The following BMPR2 variants were observed in gnomAD, a reference collection of about 807,000 sequenced individuals.
The protein encoded by BMPR2 is bone morphogenetic protein receptor type-2.
In BMPR2, 29 loss-of-function variants were observed where a neutral mutation model predicts 100.8. The ratio of observed to expected loss-of-function variants is 0.29; its 90% CI spans 0.21 to 0.39. The LOEUF (loss-of-function observed/expected upper bound fraction) is 0.39, where lower values mean the gene tolerates loss of function less well. Among genes scored for constraint, BMPR2 ranks in the 10% least tolerant of loss-of-function variants. The pLI is 1.00. For missense variants in BMPR2, 1,011 were observed against 1,274.5 expected (o/e 0.79, Z 3.15); for synonymous variants, 382 against 442.3 (o/e 0.86, Z 1.71).
At chr2:202,551,811 C>T (rs566938084) in intron 10 of BMPR2, among the ~76,000 whole-genome samples, 1 of 152,036 alleles carries the variant, frequency 6.6e-6, no homozygotes, top group African/African-American at 2.4e-5. Flanking sequence ...GCAATTCTGC[C>T]TCAGCCTCCC....
rs371884555 is a variant in BMPR2, at chr2:202,446,385, C to T, written c.77-18424C>T. Among the ~76,000 whole-genome samples, 11 of 148,956 alleles carry T rather than the reference C, an allele frequency of 7.4e-5. 2 individuals carry two copies. The highest frequency in any genetic ancestry group is 2.6e-4 in the African/African-American group (10 of 38,970). ...TGCACTCCAGCTGGGGCAACAAGAG[C>T]GAAACTCCGTCTCAAAAAAAAAAGA... is the stretch of plus-strand genomic sequence containing the variant. On this transcript the variant is annotated intron_variant, in intron 1 of 12. Coordinates refer to ENST00000374580, the MANE Select transcript of BMPR2 (RefSeq NM_001204.7).
At chr2:202,474,856 T>C (rs1304780481) in intron 3 of BMPR2, 7 of 152,150 alleles carry the variant, frequency 4.6e-5, no homozygotes, top group Non-Finnish European at 1.0e-4. Flanking sequence ...TTTTGTATTG[T>C]TTGAATCTTT....
chr2:202,537,659 A>C (rs1005310018), intron 9 of BMPR2, among the ~76,000 whole-genome samples: 19 of 152,166 alleles, frequency 1.2e-4, no homozygotes, highest in Non-Finnish European at 7.4e-5. Context: ...AAAATGGTTA[A>C]AATGATCAGT....
rs558056532 is a variant in BMPR2, at chr2:202,444,823, T to C, written c.77-19986T>C. ...TATTTTTTGAGATGGAGTTTCACCC[T>C]TGTTTCCCAGGCTGAAGTGCAATGG... is the stretch of plus-strand genomic sequence containing the variant. On this transcript the variant is annotated intron_variant, in intron 1 of 12. Coordinates refer to ENST00000374580, the MANE Select transcript of BMPR2 (RefSeq NM_001204.7). 5.4e-4 allele frequency among the ~76,000 whole-genome samples: 82 copies of C among 150,988 alleles called. 9 individuals carry two copies. The highest frequency in any genetic ancestry group is 1.7e-3 in the African/African-American group (69 of 40,270).
At chr2:202,475,789 G>A (rs1371956112) in intron 3 of BMPR2, among the ~76,000 whole-genome samples, 7 of 151,954 alleles carry the variant, frequency 4.6e-5, no homozygotes, top group East Asian at 1.9e-4. Flanking sequence ...TCTAAGTCCC[G>A]GCCGGGTGCA....
At chr2:202,475,845 C>A (rs12989487) in intron 3 of BMPR2, among the ~76,000 whole-genome samples, 18,027 of 151,702 alleles carry the variant, frequency 0.12, 1,192 homozygotes, top group Admixed American at 0.14. Flanking sequence ...CCAAAGTGGG[C>A]AGATCACCTA....
chr2:202,544,282 TG>T (rs573023364), intron 10 of BMPR2, among the ~76,000 whole-genome samples: 146 of 152,372 alleles, frequency 9.6e-4, no homozygotes, highest in African/African-American at 3.3e-3. Flanking sequence ...TGTAAACGAT[TG>T]TTTTTTTGAT....
At chr2:202,404,264 T>G (rs762428607) in intron 1 of BMPR2, among the ~76,000 whole-genome samples, 58 of 150,636 alleles carry the variant, frequency 3.9e-4, no homozygotes, top group Non-Finnish European at 7.7e-4. Context: ...TGATCTCGGC[T>G]CACTGCAACC....
At chr2:202,494,738 TAGAC>T (rs1349967510) in intron 3 of BMPR2, among the ~76,000 whole-genome samples, 1 of 152,174 alleles carries the variant, frequency 6.6e-6, no homozygotes, top group East Asian at 1.9e-4. Flanking sequence ...TTTGAAGAAA[TAGAC>T]AACAAAAAAT....
chr2:202,532,485 C>A lies in BMPR2; in HGVS notation c.1129-100C>A. ...TAATGACATGGTTAGGGTCAAATAACATTGACATGACTAAGATTTATATAT... is the reference window on the plus strand; with the variant it reads ...TAATGACATGGTTAGGGTCAAATAAAATTGACATGACTAAGATTTATATAT... On this transcript the variant is annotated intron_variant, in intron 8 of 12. Transcript: ENST00000374580. This position sits in a 1 kb window ranked among gnomAD's most constrained non-coding sequence, Gnocchi z 4.1. 1 of 1,405,816 alleles carries A rather than the reference C, an allele frequency of 7.1e-7. No homozygotes were observed. The highest frequency in any genetic ancestry group is 9.9e-7 in the Non-Finnish European group (1 of 1,009,156). The allele number at this position is 1,405,816 out of a possible 1,614,324, so 87.1% of individuals were successfully genotyped here. A position where few individuals can be genotyped will look rare whatever the true frequency, so the allele number is the denominator to read the frequency against.
chr2:202,386,419 G>A (rs530692277), intron 1 of BMPR2, among the ~76,000 whole-genome samples: 2 of 152,072 alleles, frequency 1.3e-5, no homozygotes, highest in African/African-American at 4.8e-5. Flanking sequence ...AGTTGTTCAG[G>A]CCCCAAATTA....
chr2:202,473,770 G>A lies in BMPR2; in HGVS notation c.418+6081G>A, dbSNP rs539600172. ...TGTGCCATTGCACTCCAGCCTGGGC[G>A]ACAGAGTGAGACACTGTCTCAAAAT... On this transcript the variant is annotated intron_variant, in intron 3 of 12. Coordinates refer to ENST00000374580, the MANE Select transcript of BMPR2 (RefSeq NM_001204.7). Among the ~76,000 whole-genome samples, 21 of 150,778 alleles carry A rather than the reference G, an allele frequency of 1.4e-4. No homozygotes were observed. In the South Asian group the frequency reaches 2.7e-3, roughly 20 times the overall value.
At chr2:202,403,186 C>G (rs1161823536) in intron 1 of BMPR2, among the ~76,000 whole-genome samples, 1 of 125,422 alleles carries the variant, frequency 8.0e-6, no homozygotes, top group African/African-American at 3.1e-5. Flanking sequence ...CTTCCCCTCC[C>G]CTCCCCTCCC....
chr2:202,376,898 C>A lies in BMPR2; in HGVS notation c.-577C>A. On this transcript the variant is annotated 5_prime_UTR_variant, in exon 1 of 13. Transcript: ENST00000374580. ...AGGCAGGCACCTTTTTTGATCCAGT[C>A]AAGGAAGAGGATTTGTTGTTTTCGA... 4.6e-6 allele frequency: 2 copies of A among 432,012 alleles called. No homozygotes were observed. The highest frequency in any genetic ancestry group is 1.7e-4 in the South Asian group (2 of 12,062). The allele number at this position is 432,012 out of a possible 1,614,324, so 26.8% of individuals were successfully genotyped here. A position where few individuals can be genotyped will look rare whatever the true frequency, so the allele number is the denominator to read the frequency against.
intron 9 of BMPR2, among the ~76,000 whole-genome samples, chr2:202,540,786 T>C (rs1688254607): frequency 6.6e-6 from 1 of 152,178 alleles, no homozygotes; most frequent in Non-Finnish European, 1.5e-5. Context: ...GTTAAATGAC[T>C]TTTCCAAGGT....
chr2:202,482,481 C>A (rs1415486527), intron 3 of BMPR2, among the ~76,000 whole-genome samples: 3 of 152,132 alleles, frequency 2.0e-5, no homozygotes, highest in Non-Finnish European at 4.4e-5. Context: ...TCAAATGATC[C>A]TCCTGCCTCA....
intron 1 of BMPR2, among the ~76,000 whole-genome samples, chr2:202,448,943 G>GTGTA (rs2105945850): frequency 6.6e-6 from 1 of 151,622 alleles, no homozygotes; most frequent in African/African-American, 2.4e-5. Context: ...GTGTGTGTGT[G>GTGTA]TGTGTGTGTG....
intron 12 of BMPR2, among the ~76,000 whole-genome samples, chr2:202,557,775 A>G (rs1443218636): frequency 1.3e-5 from 2 of 152,234 alleles, no homozygotes; most frequent in African/African-American, 4.8e-5. Context: ...CAGTGTCACA[A>G]TAGTCAGAAT....
chr2:202,483,970 T>C (rs1245824112), intron 3 of BMPR2, among the ~76,000 whole-genome samples: 1 of 152,170 alleles, frequency 6.6e-6, no homozygotes, highest in Non-Finnish European at 1.5e-5. Flanking sequence ...GGTGCACACC[T>C]ATAGTCCTAG....
Sources: gnomAD v4.1 joint callset for allele counts (sites outside exome capture counted in the v4.1 genomes callset) on GRCh38, gnomAD v4.1.1 for gene constraint, Gnocchi (gnomAD v3.1) non-coding constraint, MANE v1.5 for transcripts, NCBI Gene and HGNC (gene_info 2026-07-23, HGNC 2026-07-21) for gene names.